The following BCL2 variants were observed in gnomAD, a reference collection of about 807,000 sequenced individuals.
BCL2 encodes BCL2 apoptosis regulator.
BCL2 carries 1 observed loss-of-function variant against 14.2 expected under a neutral mutation model. The observed-to-expected ratio is 0.07, with a 90% CI of 0.02 to 0.33. The LOEUF (loss-of-function observed/expected upper bound fraction) is 0.33, where lower values mean the gene tolerates loss of function less well. BCL2 is among the 10% of genes least tolerant of loss of function. BCL2 has a pLI of 0.99. For missense variants in BCL2, 247 were observed against 305.9 expected (o/e 0.81, Z 1.44); for synonymous variants, 151 against 137.2 (o/e 1.10, Z -0.70).
chr18:63,143,445 C>T lies in BCL2; in HGVS notation c.586-14686G>A, dbSNP rs187199264. On this transcript the variant is annotated intron_variant, in intron 2 of 2. Coordinates refer to ENST00000333681, the MANE Select transcript of BCL2 (RefSeq NM_000633.3). ...CAGAACACTACACGTGCCCACTGTA[C>T]AAGGCCTGTCAGCATTGTCAGCAGT... is the stretch of plus-strand genomic sequence containing the variant. 9.2e-5 allele frequency among the ~76,000 whole-genome samples: 14 copies of T among 152,346 alleles called. No homozygotes were observed. The East Asian group carries it at 2.7e-3, about 29-fold the overall frequency.
At chr18:63,224,773 C>T (rs1346751841) in intron 2 of BCL2, among the ~76,000 whole-genome samples, 1 of 152,168 alleles carries the variant, frequency 6.6e-6, no homozygotes, top group Non-Finnish European at 1.5e-5. Flanking sequence ...GGCTCAGCCA[C>T]AGGACCAGTC....
chr18:63,182,083 C>G (rs1915491685), intron 2 of BCL2, among the ~76,000 whole-genome samples: 2 of 152,240 alleles, frequency 1.3e-5, no homozygotes, highest in African/African-American at 2.4e-5. Flanking sequence ...TTCCTCCTTT[C>G]TCTTTTCCCA....
At position 63,127,912 on chromosome 18, in the gene BCL2, T is replaced by C; in HGVS notation, c.*713A>G. The C allele has an allele frequency of 4.4e-6, 1 of 225,476 alleles. No homozygotes were observed. The highest frequency in any genetic ancestry group is 8.9e-6 in the Non-Finnish European group (1 of 112,856). The allele number at this position is 225,476 out of a possible 1,614,324, so 14.0% of individuals were successfully genotyped here. The stretch of plus-strand genomic sequence containing the variant: ...CGGCACAATTGGTAGCTTAAAAAAA[T>C]ACTTTCCTATGATTTAAGGGCATTT... On this transcript the variant is annotated 3_prime_UTR_variant, in exon 3 of 3. Coordinates refer to ENST00000333681, the MANE Select transcript of BCL2 (RefSeq NM_000633.3).
intron 2 of BCL2, among the ~76,000 whole-genome samples, chr18:63,272,384 T>G (rs1256311834): frequency 3.3e-5 from 5 of 152,216 alleles, no homozygotes; most frequent in African/African-American, 1.2e-4. Context: ...CACTTAATAT[T>G]CTCGTGTCTT....
Position 63,318,532 on chromosome 18 carries a change from T to A in BCL2, c.135A>T (p.Ala45=). Residue 45 remains alanine (A), a synonymous_variant, in exon 2 of 3, where the codon GCA becomes GCT. Coordinates refer to ENST00000333681, the MANE Select transcript of BCL2 (RefSeq NM_000633.3). The surrounding 1 kb of genome is among the most constrained non-coding windows in gnomAD (Gnocchi z 7.4). ...CGGGCTGGGAGGAGAAGATGCCCGG[T>A]GCGGGGGCGGCCCCCGGGGGCGCGG... The part of the protein sequence containing the change: ...VGAAPPGAAP[A]PGIFSSQPGH... 1 of 1,582,922 alleles carries A rather than the reference T, an allele frequency of 6.3e-7. No individual in the cohort carries two copies.
intron 2 of BCL2, among the ~76,000 whole-genome samples, chr18:63,198,784 G>GAGACACACACAGAC (rs1909562516): frequency 6.6e-5 from 2 of 30,532 alleles, no homozygotes; most frequent in Admixed American, 8.6e-4. Flanking sequence ...CACAGACACA[G>GAGACACACACAGAC]AGACACAGAC....
chr18:63,190,893 C>T (rs1400617869), intron 2 of BCL2, among the ~76,000 whole-genome samples: 4 of 152,128 alleles, frequency 2.6e-5, no homozygotes, highest in Non-Finnish European at 2.9e-5. Flanking sequence ...TGTTGTTCCC[C>T]TCCCTGTGTC....
intron 2 of BCL2, among the ~76,000 whole-genome samples, chr18:63,297,732 A>G (rs8089306): frequency 0.015 from 2,268 of 152,358 alleles, 53 homozygotes; most frequent in African/African-American, 0.052. Context: ...CCCAAAACAC[A>G]GAAGTCTTGG....
At chr18:63,252,851 C>T (rs940242185) in intron 2 of BCL2, among the ~76,000 whole-genome samples, 7 of 152,166 alleles carry the variant, frequency 4.6e-5, no homozygotes, top group Non-Finnish European at 1.0e-4. Context: ...ATTGGTTGTA[C>T]ATAGGAGCAA....
In BCL2 at chr18:63,279,421, G is replaced by T. The variant is rs142275579; in HGVS notation, c.585+38661C>A. Among the ~76,000 whole-genome samples, 105 of 152,314 alleles carry T rather than the reference G, an allele frequency of 6.9e-4. 1 individual carries two copies. Among genetic ancestry groups the T allele is most frequent in the African/African-American group, 2.4e-3 (99 of 41,574 alleles). On this transcript the variant is annotated intron_variant, in intron 2 of 2. Coordinates refer to ENST00000333681, the MANE Select transcript of BCL2 (RefSeq NM_000633.3). ...CTAAAAGAAAATAAGCATATGAAAA[G>T]ATTATTAGTAATAAGTAATCAGGGA... is the stretch of plus-strand genomic sequence containing the variant.
intron 2 of BCL2, among the ~76,000 whole-genome samples, chr18:63,305,108 A>C (rs992047450): frequency 6.6e-6 from 1 of 152,210 alleles, no homozygotes; most frequent in Non-Finnish European, 1.5e-5. Flanking sequence ...GATGGTAGGC[A>C]CCAAATGGAA....
chr18:63,148,908 C>T (rs971233958), intron 2 of BCL2, among the ~76,000 whole-genome samples: 4 of 152,072 alleles, frequency 2.6e-5, no homozygotes, highest in Non-Finnish European at 5.9e-5. Context: ...TCCAAGGACA[C>T]CTAGTTAATC....
At chr18:63,310,875 T>G (rs139451499) in intron 2 of BCL2, among the ~76,000 whole-genome samples, 2,543 of 152,326 alleles carry the variant, frequency 0.017, 42 homozygotes, top group Non-Finnish European at 0.026. Context: ...GTTCTTATAA[T>G]TTTGTTATAA....
At chr18:63,263,796 A>G (rs909551108) in intron 2 of BCL2, among the ~76,000 whole-genome samples, 3 of 152,094 alleles carry the variant, frequency 2.0e-5, no homozygotes, top group Non-Finnish European at 4.4e-5. Context: ...CACCCATACA[A>G]TCGGAATAAT....
At chr18:63,264,719 A>G (rs1413862403) in intron 2 of BCL2, among the ~76,000 whole-genome samples, 3 of 152,250 alleles carry the variant, frequency 2.0e-5, no homozygotes. Context: ...ATCATCCACT[A>G]AAGAAATACA....
intron 2 of BCL2, among the ~76,000 whole-genome samples, chr18:63,221,032 T>A (rs1291671467): frequency 6.6e-6 from 1 of 152,192 alleles, no homozygotes; most frequent in African/African-American, 2.4e-5. Context: ...TGGATCTTGG[T>A]GTCTTGATAA....
At chr18:63,252,647 G>C (rs1056964655) in intron 2 of BCL2, among the ~76,000 whole-genome samples, 1 of 152,198 alleles carries the variant, frequency 6.6e-6, no homozygotes, top group African/African-American at 2.4e-5. Flanking sequence ...GATGTGACTT[G>C]ATCCTCTCCT....
intron 2 of BCL2, among the ~76,000 whole-genome samples, chr18:63,249,103 G>A (rs1911231934): frequency 6.6e-6 from 1 of 152,178 alleles, no homozygotes; most frequent in East Asian, 1.9e-4. Flanking sequence ...AAAGAAACCT[G>A]GTGAAGTTAG....
Position 63,149,454 on chromosome 18 carries a change from T to C in BCL2, c.586-20695A>G, listed in dbSNP as rs1914592901. Among the ~76,000 whole-genome samples, 1 of 152,216 alleles carries C rather than the reference T, an allele frequency of 6.6e-6. No individual in the cohort carries two copies. Among genetic ancestry groups the C allele is most frequent in the Non-Finnish European group, 1.5e-5 (1 of 68,026 alleles). ...ACAGACCCATACCGGTCCCGGGCTA[T>C]ATGTATAAGTTGCAACTGTTGGCTG... On this transcript the variant is annotated intron_variant, in intron 2 of 2. Transcript: ENST00000333681. This position sits in a 1 kb window ranked among gnomAD's most constrained non-coding sequence, Gnocchi z 4.2.
Sources: allele counts gnomAD v4.1 joint callset (sites outside exome capture counted in the v4.1 genomes callset), GRCh38; gene constraint gnomAD v4.1.1; non-coding constraint Gnocchi (gnomAD v3.1); transcripts MANE v1.5; gene names NCBI Gene and HGNC (gene_info 2026-07-23, HGNC 2026-07-21).